Variants in SLCO3A1 observed in about 807,000 individuals in gnomAD.
The protein encoded by SLCO3A1 is PGE1 transporter.
SLCO3A1 carries 27 observed loss-of-function variants against 63.1 expected under a neutral mutation model. The ratio of observed to expected loss-of-function variants is 0.43; its 90% CI spans 0.32 to 0.59. The LOEUF (loss-of-function observed/expected upper bound fraction) is 0.59. SLCO3A1 is among the 20% of genes least tolerant of loss of function. The probability of loss-of-function intolerance (pLI) is 0.09; values close to 1 mark genes in which losing one functional copy is unlikely to be tolerated. For synonymous variants in SLCO3A1, 473 were observed against 409.9 expected (o/e 1.15, Z -1.86); for missense variants, 773 against 945.8 (o/e 0.82, Z 2.40).
At chr15:92,044,734 A>C (rs1207530114) in intron 2 of SLCO3A1, among the ~76,000 whole-genome samples, 3 of 152,144 alleles carry the variant, frequency 2.0e-5, no homozygotes, top group Non-Finnish European at 2.9e-5. Context: ...CAACTGTTGC[A>C]TCAAGTCCAG....
At chr15:92,016,813 G>A (rs913734422) in intron 2 of SLCO3A1, among the ~76,000 whole-genome samples, 5 of 152,166 alleles carry the variant, frequency 3.3e-5, no homozygotes, top group African/African-American at 1.2e-4. Flanking sequence ...GGGGAGGATG[G>A]AAGATGAACT....
In SLCO3A1 at chr15:91,875,627, G is replaced by A. The variant is rs1463071382; in HGVS notation, c.180+21539G>A. On this transcript the variant is annotated intron_variant, in intron 1 of 9. Transcript: ENST00000318445. The surrounding 1 kb of genome is among the most constrained non-coding windows in gnomAD (Gnocchi z 4.5). Reference sequence around the variant, plus strand: ...TCATTCTCTGTCATTCCTTCCATCGGTCCCTGGAGACAGTTGCTCAGTCCG... The same window carrying A: ...TCATTCTCTGTCATTCCTTCCATCGATCCCTGGAGACAGTTGCTCAGTCCG... Among the ~76,000 whole-genome samples, 1 of 152,204 alleles carries A rather than the reference G, an allele frequency of 6.6e-6. No individual in the cohort carries two copies. Among genetic ancestry groups the A allele is most frequent in the African/African-American group, 2.4e-5 (1 of 41,458 alleles).
chr15:91,963,399 C>T (rs1461744869), intron 2 of SLCO3A1, among the ~76,000 whole-genome samples: 2 of 7,678 alleles, frequency 2.6e-4, no homozygotes, highest in Non-Finnish European at 5.9e-4. Flanking sequence ...GGGTTTAACT[C>T]GGGGAGGGTG....
chr15:91,930,332 G>T (rs1314790830), intron 2 of SLCO3A1, among the ~76,000 whole-genome samples: 1 of 152,124 alleles, frequency 6.6e-6, no homozygotes, highest in East Asian at 1.9e-4. Flanking sequence ...TCTCCAAGTT[G>T]TCCTTCACAT....
rs1001963145 is a variant in SLCO3A1 at position 91,900,258 on chromosome 15, G to T, written c.181-15735G>T. ...TGGCTATAACCATTTTATCTTTTAT[G>T]TTCCCACTAGCAGTATCTGAGTGTT... is the stretch of plus-strand genomic sequence containing the variant. On this transcript the variant is annotated intron_variant, in intron 1 of 9. Coordinates refer to ENST00000318445, the MANE Select transcript of SLCO3A1 (RefSeq NM_013272.4). The surrounding 1 kb of genome is among the most constrained non-coding windows in gnomAD (Gnocchi z 4.3). Among the ~76,000 whole-genome samples, 1 of 152,282 alleles carries T rather than the reference G, an allele frequency of 6.6e-6. No homozygotes were observed. The highest frequency in any genetic ancestry group is 1.5e-5 in the Non-Finnish European group (1 of 68,018).
chr15:92,047,618 A>ATAT (rs377745850), intron 2 of SLCO3A1, among the ~76,000 whole-genome samples: 183 of 29,440 alleles, frequency 6.2e-3, no homozygotes, highest in Admixed American at 0.025. Context: ...TATAATATAT[A>ATAT]AATATATATA....
Position 92,104,590 on chromosome 15 carries a change from G to A in SLCO3A1, c.1009+48G>A, listed in dbSNP as rs770148870. 20 of 1,572,734 alleles carry A rather than the reference G, an allele frequency of 1.3e-5. No homozygotes were observed. The South Asian group carries it at 2.3e-4, about 18-fold the overall frequency. On this transcript the variant is annotated intron_variant, in intron 4 of 9. Coordinates refer to ENST00000318445, the MANE Select transcript of SLCO3A1 (RefSeq NM_013272.4). Reference sequence around the variant, plus strand: ...CTGCTCAGAACAGTAGGGGGATTGGGATGGGGGTGATGAATGAAGGGGTGG... The same window carrying A: ...CTGCTCAGAACAGTAGGGGGATTGGAATGGGGGTGATGAATGAAGGGGTGG...
intron 9 of SLCO3A1, among the ~76,000 whole-genome samples, chr15:92,155,956 C>T (rs1055908960): frequency 1.1e-4 from 17 of 152,148 alleles, no homozygotes; most frequent in Non-Finnish European, 2.1e-4. Flanking sequence ...CCAGCCTGCC[C>T]GCCTAGCCAA....
chr15:91,986,299 G>A (rs568317613), intron 2 of SLCO3A1, among the ~76,000 whole-genome samples: 4 of 152,294 alleles, frequency 2.6e-5, no homozygotes, highest in African/African-American at 9.6e-5. Context: ...CAAAAGGTGG[G>A]TGTTCACCCC....
At position 92,135,471 on chromosome 15, in the gene SLCO3A1, G is replaced by A. The variant is rs1015322684; in HGVS notation, c.1512+6982G>A. ...TGACCCCACAAGGGAAGAAGAGATCGTATTTCTTCTTGCAGTTTTTCAGTG... is the reference window on the plus strand; with the variant it reads ...TGACCCCACAAGGGAAGAAGAGATCATATTTCTTCTTGCAGTTTTTCAGTG... On this transcript the variant is annotated intron_variant, in intron 7 of 9. Coordinates refer to ENST00000318445, the MANE Select transcript of SLCO3A1 (RefSeq NM_013272.4). Among the ~76,000 whole-genome samples, 18 of 152,294 alleles carry A rather than the reference G, an allele frequency of 1.2e-4. No homozygotes were observed. The East Asian group carries it at 2.5e-3, about 21-fold the overall frequency.
intron 2 of SLCO3A1, among the ~76,000 whole-genome samples, chr15:92,013,698 G>A (rs1407230295): frequency 6.6e-6 from 1 of 152,234 alleles, no homozygotes; most frequent in Admixed American, 6.5e-5. Flanking sequence ...CTATAGACCT[G>A]TCATAAAATC....
intron 2 of SLCO3A1, among the ~76,000 whole-genome samples, chr15:92,027,731 CACTT>C (rs2046593650): frequency 6.6e-6 from 1 of 152,222 alleles, no homozygotes; most frequent in Non-Finnish European, 1.5e-5. Context: ...CACAAAGACA[CACTT>C]ACCACATAAA....
chr15:92,077,478 A>T (rs2151520271), intron 2 of SLCO3A1, among the ~76,000 whole-genome samples: 1 of 152,274 alleles, frequency 6.6e-6, no homozygotes, highest in African/African-American at 2.4e-5. Context: ...TCCTACCTTG[A>T]ACTGCACTGC....
At chr15:92,024,085 C>A (rs1021985097) in intron 2 of SLCO3A1, among the ~76,000 whole-genome samples, 2 of 152,186 alleles carry the variant, frequency 1.3e-5, no homozygotes, top group Non-Finnish European at 2.9e-5. Context: ...GCATTTAAAT[C>A]GTCTTTTCCC....
rs1226665670 is a variant in SLCO3A1 at position 92,031,207 on chromosome 15, A to G, written c.647-63674A>G. On this transcript the variant is annotated intron_variant, in intron 2 of 9. Transcript: ENST00000318445. ...AAAGACAAAAGACATCAATAGAGCT[A>G]TGAATGAGAAAAAAAATAAAGGAGT... 2.6e-5 allele frequency among the ~76,000 whole-genome samples: 4 copies of G among 152,188 alleles called. 1 individual carries two copies. Among genetic ancestry groups the G allele is most frequent in the African/African-American group, 4.8e-5 (2 of 41,456 alleles).
At chr15:92,156,317 T>C (rs566721991) in intron 9 of SLCO3A1, among the ~76,000 whole-genome samples, 3 of 152,316 alleles carry the variant, frequency 2.0e-5, no homozygotes, top group Non-Finnish European at 4.4e-5. Flanking sequence ...GGCGAACATA[T>C]GTTAGGCGCC....
rs1366437687 is a variant in SLCO3A1, at chr15:91,872,936, C to T, written c.180+18848C>T. Among the ~76,000 whole-genome samples, 1 of 152,200 alleles carries T rather than the reference C, an allele frequency of 6.6e-6. No homozygotes were observed. The highest frequency in any genetic ancestry group is 1.5e-5 in the Non-Finnish European group (1 of 68,042). ...ACCTGTTATACATTCCAGGGCTGGT[C>T]ACAGGGCCCCTGCTCCTGGCATGCA... On this transcript the variant is annotated intron_variant, in intron 1 of 9. Coordinates refer to ENST00000318445, the MANE Select transcript of SLCO3A1 (RefSeq NM_013272.4). The surrounding 1 kb of genome is among the most constrained non-coding windows in gnomAD (Gnocchi z 4.1).
intron 2 of SLCO3A1, among the ~76,000 whole-genome samples, chr15:91,927,354 T>C (rs1899065933): frequency 6.6e-6 from 1 of 152,112 alleles, no homozygotes. Flanking sequence ...GGATCATTAA[T>C]AGAATCTGAA....
intron 2 of SLCO3A1, among the ~76,000 whole-genome samples, chr15:91,981,485 T>A (rs2045986204): frequency 6.6e-6 from 1 of 152,146 alleles, no homozygotes; most frequent in Admixed American, 6.5e-5. Flanking sequence ...TTTTCCCACC[T>A]CATGGCTTTT....
Sources: gnomAD v4.1 joint callset for allele counts (sites outside exome capture counted in the v4.1 genomes callset) on GRCh38, gnomAD v4.1.1 for gene constraint, Gnocchi (gnomAD v3.1) non-coding constraint, MANE v1.5 for transcripts, NCBI Gene and HGNC (gene_info 2026-07-23, HGNC 2026-07-21) for gene names.